The following TRAF3IP3 variants were observed in gnomAD, a reference collection of about 807,000 sequenced individuals.
The protein encoded by TRAF3IP3 is TRAF3-interacting JNK-activating modulator.
Under a neutral mutation model 86.5 loss-of-function variants are expected in TRAF3IP3, and 64 were observed. That is an observed-to-expected ratio of 0.74 (90% confidence interval 0.60 to 0.91). The LOEUF (loss-of-function observed/expected upper bound fraction) is 0.91, where lower values mean the gene tolerates loss of function less well. Ranked by LOEUF, TRAF3IP3 falls within the 40% of genes least tolerant of loss-of-function variation. The probability of loss-of-function intolerance (pLI) is 0.00; values close to 1 mark genes in which losing one functional copy is unlikely to be tolerated. For missense variants in TRAF3IP3, 579 were observed against 642.9 expected (o/e 0.90, Z 1.07); for synonymous variants, 220 against 243.9 (o/e 0.90, Z 0.91).
At chr1:209,781,991 T>G in intron 16 of TRAF3IP3, 65 bp from the exon 17 acceptor site, 3 of 1,351,602 alleles carry the variant, frequency 2.2e-6, no homozygotes, top group Non-Finnish European at 3.2e-6. Context: ...AGAAGAAAGA[T>G]TTTTGCCTAT....
Position 209,780,620 on chromosome 1 carries a change from C to A in TRAF3IP3, c.1449+14C>A. On this transcript the variant is annotated intron_variant, in intron 15 of 16. Transcript: ENST00000367025. ...AAGGAAAAGGAGGTGAGAGGGTGACCTGAGATAGTGAGGGCTCATTTGCGA... is the reference window on the plus strand; with the variant it reads ...AAGGAAAAGGAGGTGAGAGGGTGACATGAGATAGTGAGGGCTCATTTGCGA... 6.4e-7 allele frequency: 1 copy of A among 1,555,274 alleles called. No individual in the cohort carries two copies. The highest frequency in any genetic ancestry group is 8.7e-7 in the Non-Finnish European group (1 of 1,146,066).
chr1:209,777,168 A>G, intron 11 of TRAF3IP3, 184 bp from the exon 12 acceptor site: 1 of 471,486 alleles, frequency 2.1e-6, no homozygotes. Flanking sequence ...TATAAATATG[A>G]GGAACAAAGC....
At chr1:209,769,080 TG>T (rs1311232494) in intron 8 of TRAF3IP3, among the ~76,000 whole-genome samples, 1 of 152,190 alleles carries the variant, frequency 6.6e-6, no homozygotes, top group African/African-American at 2.4e-5. Context: ...TACTATGGAA[TG>T]GGGAGAGAGG....
chr1:209,775,342 T>C lies in TRAF3IP3; in HGVS notation c.775-7T>C, dbSNP rs555793025. 2 of 1,606,824 alleles carry C rather than the reference T, an allele frequency of 1.2e-6. No homozygotes were observed. Among genetic ancestry groups the C allele is most frequent in the East Asian group, 2.2e-5 (1 of 44,654 alleles). ...TGTGTATTTGTTGAATTGCATCAAA[T>C]TTACAGAAATACTCCCCTTGGGGAA... On this transcript the variant is annotated splice_polypyrimidine_tract_variant and splice_region_variant and intron_variant, in intron 9 of 16. Transcript: ENST00000367025.
At chr1:209,757,754 A>T (rs1439163004) in intron 1 of TRAF3IP3, among the ~76,000 whole-genome samples, 2 of 152,332 alleles carry the variant, frequency 1.3e-5, no homozygotes, top group East Asian at 1.9e-4. Context: ...TAATATTCGC[A>T]ATTACTTTTG....
rs371203599 is a variant in TRAF3IP3 at position 209,780,511 on chromosome 1, G to A, written c.1354G>A (p.Glu452Lys). 50 of 1,601,346 alleles carry A rather than the reference G, an allele frequency of 3.1e-5. 2 individuals carry two copies. In the South Asian group the frequency reaches 4.1e-4, roughly 13 times the overall value. ...GTGGAGTCCAAAGTCCTTCCCTAAC[G>A]AAGTGGAGCCTGAGGGTACAGGGAA... ...PVWSPKSFPNEVEPEGTGKEK... is the reference protein window; with the variant it reads ...PVWSPKSFPNKVEPEGTGKEK... The change falls in exon 15 of 17, where the codon GAA (glutamate) becomes AAA (lysine). Residue 452 changes from glutamate to lysine, a missense_variant. Physicochemically the swap from Glu to Lys is moderately conservative, Grantham distance 56. Coordinates refer to ENST00000367025, the MANE Select transcript of TRAF3IP3 (RefSeq NM_025228.4).
At position 209,763,039 on chromosome 1, in the gene TRAF3IP3, T is replaced by C. The variant is rs764384676; in HGVS notation, c.552-29T>C. ...CCTGACTTGATTCTTTGGTCCATTA[T>C]CATTATTTTTAATTTCTTCTCTTTC... On this transcript the variant is annotated intron_variant, in intron 5 of 16. Transcript: ENST00000367025. The C allele has an allele frequency of 4.3e-5, 69 of 1,612,784 alleles. No homozygotes were observed. In the Admixed American group the frequency reaches 1.0e-3, roughly 23 times the overall value.
chr1:209,778,108 CA>C lies in TRAF3IP3; in HGVS notation c.1190-2del. On this transcript the variant is annotated splice_acceptor_variant, in intron 12 of 16. Coordinates refer to ENST00000367025, the MANE Select transcript of TRAF3IP3 (RefSeq NM_025228.4). LOFTEE classifies it high-confidence loss of function. The stretch of plus-strand genomic sequence containing the variant: ...ATTTTGGCTTGCATTATTGCATTTT[CA>C]GATCAACTAAAAAGGTCAGAGGCAG... The C allele has an allele frequency of 6.2e-7, 1 of 1,613,740 alleles. No homozygotes were observed. The highest frequency in any genetic ancestry group is 8.5e-7 in the Non-Finnish European group (1 of 1,179,716).
At position 209,777,420 on chromosome 1, in the gene TRAF3IP3, G is replaced by T; in HGVS notation, c.1122G>T (p.Leu374=). The stretch of plus-strand genomic sequence containing the variant: ...TTTTGGAAAATGAGCACCAGCAACT[G>T]CAGGCCAAGATTGAATGCCTGCAAG... The part of the protein sequence containing the change: ...LRFLENEHQQ[L]QAKIECLQGD... The change falls in exon 12 of 17, where the codon CTG becomes CTT. Residue 374 remains leucine (L), a synonymous_variant. Coordinates refer to ENST00000367025, the MANE Select transcript of TRAF3IP3 (RefSeq NM_025228.4). 2 of 1,614,046 alleles carry T rather than the reference G, an allele frequency of 1.2e-6. No homozygotes were observed.
intron 1 of TRAF3IP3, among the ~76,000 whole-genome samples, chr1:209,757,050 T>C (rs1160231755): frequency 1.3e-5 from 2 of 152,168 alleles, no homozygotes; most frequent in Admixed American, 1.3e-4. Context: ...CATACCTTCT[T>C]GTTTTCAAGC....
chr1:209,765,651 G>C (rs750865300), intron 8 of TRAF3IP3, among the ~76,000 whole-genome samples: 2 of 152,106 alleles, frequency 1.3e-5, no homozygotes, highest in Non-Finnish European at 2.9e-5. Flanking sequence ...TGGGCGATGG[G>C]AGTGAAACTC....
intron 11 of TRAF3IP3, chr1:209,776,464 G>A (rs2102507076): frequency 6.6e-6 from 1 of 152,286 alleles, no homozygotes; most frequent in Middle Eastern, 3.4e-3. Context: ...GCTCAGAACA[G>A]CCCACTTGAT....
rs1279873117 is a variant in TRAF3IP3, at chr1:209,777,481, C to T, written c.1183C>T (p.Leu395=). The change falls in exon 12 of 17, where the codon CTA becomes TTA. Residue 395 remains leucine, a synonymous_variant. Coordinates refer to ENST00000367025, the MANE Select transcript of TRAF3IP3 (RefSeq NM_025228.4). The part of the protein sequence containing the change: ...RDLCSLDTQD[L]QDQLKRSEAE... ...CCTGTGCAGCTTGGATACCCAGGAC[C>T]TACAAGGTACTCTTCTCCTTGGAGG... 6.2e-7 allele frequency: 1 copy of T among 1,612,190 alleles called. No individual in the cohort carries two copies. The highest frequency in any genetic ancestry group is 2.2e-5 in the East Asian group (1 of 44,794).
At chr1:209,778,509 C>T (rs2077707380) in intron 13 of TRAF3IP3, 1 of 259,736 alleles carries the variant, frequency 3.9e-6, no homozygotes, top group Admixed American at 5.3e-5. Context: ...TCACATAGAC[C>T]TGTCATTAGA....
intron 8 of TRAF3IP3, among the ~76,000 whole-genome samples, chr1:209,767,666 C>A (rs370862631): frequency 1.3e-5 from 2 of 151,122 alleles, no homozygotes; most frequent in African/African-American, 2.4e-5. Context: ...CAGAGCAAGA[C>A]CCTGTCTTGA....
At chr1:209,763,977 A>C (rs1445295246) in intron 8 of TRAF3IP3, among the ~76,000 whole-genome samples, 3 of 152,258 alleles carry the variant, frequency 2.0e-5, no homozygotes. Flanking sequence ...GTACCCACTC[A>C]GTCCGAATAA....
chr1:209,765,189 GA>G (rs2077320911), intron 8 of TRAF3IP3, among the ~76,000 whole-genome samples: 1 of 33,440 alleles, frequency 3.0e-5, no homozygotes, highest in Non-Finnish European at 5.3e-5. Context: ...GAGAGAGAGA[GA>G]GAGAGAGAGA....
rs1558033949 is a variant in TRAF3IP3 at position 209,781,324 on chromosome 1, CTT to C, written c.1450-19_1450-18del. On this transcript the variant is annotated intron_variant, in intron 15 of 16. Coordinates refer to ENST00000367025, the MANE Select transcript of TRAF3IP3 (RefSeq NM_025228.4). Reference sequence around the variant, plus strand: ...TCCTAGACAGAAGTGACAGTGATGACTTTGGTGATGTTCTCCCCAGTGCAGAG... The same window carrying C: ...TCCTAGACAGAAGTGACAGTGATGACTGGTGATGTTCTCCCCAGTGCAGAG... 2 of 1,551,038 alleles carry C rather than the reference CTT, an allele frequency of 1.3e-6. No individual in the cohort carries two copies. The highest frequency in any genetic ancestry group is 2.7e-5 in the African/African-American group (2 of 73,590).
At chr1:209,769,283 T>C (rs2077418170) in intron 8 of TRAF3IP3, among the ~76,000 whole-genome samples, 1 of 152,214 alleles carries the variant, frequency 6.6e-6, no homozygotes, top group Non-Finnish European at 1.5e-5. Context: ...TAGAGCCAGT[T>C]GATTTCAGGA....
Sources: gnomAD v4.1 joint callset for allele counts (sites outside exome capture counted in the v4.1 genomes callset) on GRCh38, gnomAD v4.1.1 for gene constraint, MANE v1.5 for transcripts, NCBI Gene and HGNC (gene_info 2026-07-23, HGNC 2026-07-21) for gene names.